PDZRN4: variants seen among roughly 807,000 people sequenced by gnomAD.
PDZRN4 encodes the protein PDZ domain-containing RING finger protein 4.
PDZRN4 carries 70 observed loss-of-function variants against 99.0 expected under a neutral mutation model. The ratio of observed to expected loss-of-function variants is 0.71; its 90% CI spans 0.58 to 0.86. The LOEUF is 0.86. Among genes scored for constraint, PDZRN4 ranks in the 40% least tolerant of loss-of-function variants. The pLI is 0.00. For synonymous variants in PDZRN4, 551 were observed against 501.6 expected (o/e 1.10, Z -1.32); for missense variants, 1,474 against 1,331.2 (o/e 1.11, Z -1.67).
Position 41,279,494 on chromosome 12 carries a change from A to G in PDZRN4, c.843+85306A>G, listed in dbSNP as rs1951370073. Among the ~76,000 whole-genome samples the G allele has an allele frequency of 3.3e-5, 5 of 152,226 alleles. No individual in the cohort carries two copies. In the South Asian group the frequency reaches 1.0e-3, roughly 32 times the overall value. ...TATTTAAAGATGGGTAGTAGTTTCC[A>G]ACAATAAGTAGGAGCCACTATTATT... On this transcript the variant is annotated intron_variant, in intron 3 of 9. Coordinates refer to ENST00000402685, the MANE Select transcript of PDZRN4 (RefSeq NM_001164595.2).
At chr12:41,432,470 C>G (rs1345876669) in intron 3 of PDZRN4, among the ~76,000 whole-genome samples, 1 of 152,076 alleles carries the variant, frequency 6.6e-6, no homozygotes, top group Non-Finnish European at 1.5e-5. Flanking sequence ...TGTCAATTTG[C>G]CCAACTCAGG....
intron 4 of PDZRN4, among the ~76,000 whole-genome samples, chr12:41,508,601 G>A (rs1255347494): frequency 6.6e-6 from 1 of 152,124 alleles, no homozygotes; most frequent in East Asian, 1.9e-4. Flanking sequence ...AGCAGGCTTC[G>A]ATATTCCAAG....
At chr12:41,241,676 CAG>C (rs1951102829) in intron 3 of PDZRN4, among the ~76,000 whole-genome samples, 1 of 152,148 alleles carries the variant, frequency 6.6e-6, no homozygotes, top group Non-Finnish European at 1.5e-5. Context: ...ATTACACACA[CAG>C]ACATTTTTTT....
intron 3 of PDZRN4, among the ~76,000 whole-genome samples, chr12:41,387,890 C>T: frequency 6.6e-6 from 1 of 152,152 alleles, no homozygotes; most frequent in East Asian, 1.9e-4. Flanking sequence ...GACCTAAAGA[C>T]AGAAATACCA....
intron 3 of PDZRN4, among the ~76,000 whole-genome samples, chr12:41,477,415 A>T (rs897997878): frequency 2.0e-5 from 3 of 152,222 alleles, no homozygotes; most frequent in Admixed American, 2.0e-4. Flanking sequence ...TATGGTCATT[A>T]GTGGGCAGAT....
At chr12:41,345,599 G>T (rs1951847525) in intron 3 of PDZRN4, among the ~76,000 whole-genome samples, 1 of 152,094 alleles carries the variant, frequency 6.6e-6, no homozygotes, top group African/African-American at 2.4e-5. Flanking sequence ...CCCACTTTTG[G>T]TGAGGAATCA....
At chr12:41,384,748 A>G (rs1445602027) in intron 3 of PDZRN4, among the ~76,000 whole-genome samples, 3 of 152,162 alleles carry the variant, frequency 2.0e-5, no homozygotes, top group African/African-American at 7.2e-5. Context: ...GGAATCATGC[A>G]TCTCCTATTA....
chr12:41,374,884 C>T (rs972720550), intron 3 of PDZRN4, among the ~76,000 whole-genome samples: 1 of 152,162 alleles, frequency 6.6e-6, no homozygotes, highest in African/African-American at 2.4e-5. Flanking sequence ...TTTCCCCTAA[C>T]AAATAGAACA....
intron 3 of PDZRN4, among the ~76,000 whole-genome samples, chr12:41,243,938 G>A (rs1160523002): frequency 8.5e-5 from 13 of 152,238 alleles, no homozygotes; most frequent in African/African-American, 3.1e-4. Flanking sequence ...CCTCCAGACT[G>A]AGTACTCTGA....
chr12:41,430,101 A>T (rs1369373456), intron 3 of PDZRN4, among the ~76,000 whole-genome samples: 1 of 152,216 alleles, frequency 6.6e-6, no homozygotes, highest in Non-Finnish European at 1.5e-5. Flanking sequence ...TTATGATTGC[A>T]AGAAATCTTG....
chr12:41,491,250 T>A (rs755275917), intron 3 of PDZRN4, among the ~76,000 whole-genome samples: 43 of 151,466 alleles, frequency 2.8e-4, no homozygotes, highest in Non-Finnish European at 4.4e-4. Flanking sequence ...TGGCCGGGAG[T>A]GGTGGCTCAC....
chr12:41,380,025 A>G (rs1277638043), intron 3 of PDZRN4, among the ~76,000 whole-genome samples: 1 of 152,006 alleles, frequency 6.6e-6, no homozygotes, highest in Non-Finnish European at 1.5e-5. Flanking sequence ...ACATGTTCCA[A>G]TGCTGGATGC....
chr12:41,543,023 A>T (rs761109985), intron 5 of PDZRN4, among the ~76,000 whole-genome samples: 8 of 152,064 alleles, frequency 5.3e-5, no homozygotes, highest in Non-Finnish European at 1.0e-4. Context: ...TGGTTATGAG[A>T]CCTGTTAGAA....
chr12:41,573,786 A>T lies in PDZRN4; in HGVS notation c.3007A>T (p.Ile1003Phe), dbSNP rs1939528606. The part of the protein sequence containing the change: ...KKMMKKRNKK[I>F]LDNWMTIQEL... The stretch of plus-strand genomic sequence containing the variant: ...GATGATGAAAAAGAGAAACAAGAAA[A>T]TTTTGGACAACTGGATGACAATCCA... The change falls in exon 10 of 10, where the codon ATT (isoleucine) becomes TTT (phenylalanine). Residue 1003 changes from isoleucine to phenylalanine, a missense_variant. By Grantham distance (21) the Ile-to-Phe change is conservative (BLOSUM62 0). Coordinates refer to ENST00000402685, the MANE Select transcript of PDZRN4 (RefSeq NM_001164595.2). The T allele has an allele frequency of 1.9e-6, 3 of 1,613,638 alleles. No individual in the cohort carries two copies. The highest frequency in any genetic ancestry group is 1.7e-5 in the Admixed American group (1 of 59,934).
intron 3 of PDZRN4, among the ~76,000 whole-genome samples, chr12:41,348,276 G>T (rs1417288412): frequency 6.6e-6 from 1 of 152,030 alleles, no homozygotes; most frequent in East Asian, 1.9e-4. Flanking sequence ...TAAAAGTTTG[G>T]CTAGCAAAAC....
At chr12:41,457,859 G>C (rs967779625) in intron 3 of PDZRN4, among the ~76,000 whole-genome samples, 69 of 152,294 alleles carry the variant, frequency 4.5e-4, no homozygotes, top group Admixed American at 1.3e-3. Context: ...TAGGTGCAAG[G>C]CATTGCAGTA....
At chr12:41,513,280 T>A (rs1259298612) in intron 5 of PDZRN4, among the ~76,000 whole-genome samples, 1 of 152,062 alleles carries the variant, frequency 6.6e-6, no homozygotes, top group African/African-American at 2.4e-5. Flanking sequence ...TTATGGTGAC[T>A]CTGGTGTGTT....
chr12:41,555,392 G>T (rs1241091841), intron 6 of PDZRN4, among the ~76,000 whole-genome samples: 1 of 149,552 alleles, frequency 6.7e-6, no homozygotes, highest in Admixed American at 6.7e-5. Context: ...AGAAATGAGT[G>T]AACAAATGTG....
chr12:41,504,151 C>T (rs927368216), intron 3 of PDZRN4, among the ~76,000 whole-genome samples: 7 of 152,056 alleles, frequency 4.6e-5, no homozygotes, highest in Non-Finnish European at 1.0e-4. Context: ...CGCCTGTTAC[C>T]CCAGCTACTT....
Sources: allele counts gnomAD v4.1 joint callset (sites outside exome capture counted in the v4.1 genomes callset), GRCh38; gene constraint gnomAD v4.1.1; transcripts MANE v1.5; gene names NCBI Gene and HGNC (gene_info 2026-07-23, HGNC 2026-07-21).